Variants in IPP observed in about 807,000 individuals in gnomAD.
IPP encodes intracisternal A particle-promoted polypeptide.
Under a neutral mutation model 64.1 loss-of-function variants are expected in IPP, and 41 were observed. The ratio of observed to expected loss-of-function variants is 0.64; its 90% confidence interval spans 0.50 to 0.83. IPP has a LOEUF of 0.83. Ranked by LOEUF, IPP falls within the 40% of genes least tolerant of loss-of-function variation. The pLI is 0.00. For missense variants in IPP, 649 were observed against 703.0 expected (o/e 0.92, Z 0.87); for synonymous variants, 214 against 235.2 (o/e 0.91, Z 0.83).
chr1:45,749,022 C>G (rs1385803314), intron 1 of IPP, among the ~76,000 whole-genome samples: 1 of 151,730 alleles, frequency 6.6e-6, no homozygotes, highest in Non-Finnish European at 1.5e-5. Flanking sequence ...ATGTATTTGG[C>G]CCTACACAGA....
chr1:45,740,860 G>C, intron 3 of IPP, 41 bp downstream of exon 3: 1 of 1,279,098 alleles, frequency 7.8e-7, no homozygotes, highest in Non-Finnish European at 1.1e-6. Flanking sequence ...CACATCACTG[G>C]ATAATTAATC....
At chr1:45,698,061 A>G (rs3014247), downstream of IPP, 80,650 of 151,866 alleles carry the variant, frequency 0.53, 21,530 homozygotes, top group Middle Eastern at 0.6. Flanking sequence ...CCAGCACTTC[A>G]GGAGGCCAAG....
Position 45,727,977 on chromosome 1 carries a change from G to T in IPP, c.881-179C>A, listed in dbSNP as rs184248161. Among the ~76,000 whole-genome samples, 128 of 152,224 alleles carry T rather than the reference G, an allele frequency of 8.4e-4. 1 individual carries two copies. The highest frequency in any genetic ancestry group is 2.8e-3 in the African/African-American group (118 of 41,524). On this transcript the variant is annotated intron_variant, in intron 4 of 8. Transcript: ENST00000396478. Reference sequence around the variant, plus strand: ...ATTGTGGCTTAAATACAGTAAGAAGGTTAGCCTCAGTGTTTTACCACTTGG... The same window carrying T: ...ATTGTGGCTTAAATACAGTAAGAAGTTTAGCCTCAGTGTTTTACCACTTGG...
intron 8 of IPP, among the ~76,000 whole-genome samples, chr1:45,700,737 G>T (rs1202137601): frequency 6.6e-6 from 1 of 152,182 alleles, no homozygotes; most frequent in Non-Finnish European, 1.5e-5. Flanking sequence ...ATCAGGAAAT[G>T]ACCTAGAACT....
intron 6 of IPP, among the ~76,000 whole-genome samples, chr1:45,717,734 C>G (rs1330628559): frequency 6.6e-6 from 1 of 152,050 alleles, no homozygotes; most frequent in African/African-American, 2.4e-5. Flanking sequence ...AAGTTGGTCT[C>G]GATCTCCTGA....
rs772355194 is a variant in IPP, at chr1:45,741,061, T to G, written c.564A>C (p.Arg188=). 6.2e-7 allele frequency: 1 copy of G among 1,614,036 alleles called. No homozygotes were observed. Among genetic ancestry groups the G allele is most frequent in the Non-Finnish European group, 8.5e-7 (1 of 1,180,002 alleles). The change falls in exon 3 of 9, where the codon CGA becomes CGC. Residue 188 remains arginine, a synonymous_variant. Transcript: ENST00000396478. ...LTKDQLIKIL[R]SEELSIEDEY... ...CATCCTCAATGCTAAGCTCTTCACTTCGCAAAATTTTGATCAGCTGATCTT... is the reference window on the plus strand; with the variant it reads ...CATCCTCAATGCTAAGCTCTTCACTGCGCAAAATTTTGATCAGCTGATCTT...
intron 8 of IPP, among the ~76,000 whole-genome samples, chr1:45,713,531 G>C (rs1181274775): frequency 6.7e-6 from 1 of 150,068 alleles, no homozygotes; most frequent in Non-Finnish European, 1.5e-5. Context: ...CTGCACTCCA[G>C]CTTGGGCAAC....
intron 2 of IPP, among the ~76,000 whole-genome samples, chr1:45,744,252 A>C (rs369265108): frequency 9.2e-5 from 14 of 152,274 alleles, no homozygotes; most frequent in African/African-American, 3.4e-4. Flanking sequence ...CCTGGGCTCA[A>C]GTGATCATCC....
rs1475003167 is a variant in IPP at position 45,717,029 on chromosome 1, T to G, written c.1187-12A>C. On this transcript the variant is annotated splice_polypyrimidine_tract_variant and intron_variant, in intron 6 of 8. Coordinates refer to ENST00000396478, the MANE Select transcript of IPP (RefSeq NM_005897.3). ...TCCAACCCATCCACCTGTAATGAAA[T>G]AGAAAAATGTTTGTTTCCGGGATAA... The G allele has an allele frequency of 6.2e-7, 1 of 1,608,520 alleles. No homozygotes were observed. Among genetic ancestry groups the G allele is most frequent in the Admixed American group, 1.7e-5 (1 of 58,332 alleles).
At position 45,729,704 on chromosome 1, in the gene IPP, T is replaced by C. The variant is rs762840717; in HGVS notation, c.790A>G (p.Lys264Glu). Residue 264 changes from lysine (K) to glutamate (E), a missense_variant, in exon 4 of 9, where the codon AAA becomes GAA. Coordinates refer to ENST00000396478, the MANE Select transcript of IPP (RefSeq NM_005897.3). ...TLLKEYCEVCKSPKENKFCSF... is the reference protein window; with the variant it reads ...TLLKEYCEVCESPKENKFCSF... ...CAAAACTTGTTCTCTTTGGGAGATT[T>C]GCATACTTCACAGTACTCTTTCAGA... The C allele has an allele frequency of 5.6e-6, 9 of 1,609,070 alleles. No homozygotes were observed.
intron 5 of IPP, among the ~76,000 whole-genome samples, chr1:45,720,370 G>A (rs1442158196): frequency 6.6e-6 from 1 of 152,038 alleles, no homozygotes; most frequent in African/African-American, 2.4e-5. Flanking sequence ...ATGAAGAGAT[G>A]AATAATGCTC....
intron 2 of IPP, among the ~76,000 whole-genome samples, chr1:45,741,719 C>T (rs1646069742): frequency 1.2e-5 from 1 of 80,832 alleles, no homozygotes; most frequent in Non-Finnish European, 2.8e-5. Context: ...AGCTCCGCCT[C>T]CCAGGTTCAC....
chr1:45,704,740 T>C (rs1290490067), intron 8 of IPP, among the ~76,000 whole-genome samples: 2 of 152,228 alleles, frequency 1.3e-5, no homozygotes, highest in South Asian at 2.1e-4. Flanking sequence ...CTCTGTTTAC[T>C]GAGGGTGGCT....
chr1:45,748,005 G>A (rs922583141), intron 1 of IPP, among the ~76,000 whole-genome samples: 6 of 151,986 alleles, frequency 3.9e-5, no homozygotes, highest in African/African-American at 1.2e-4. Flanking sequence ...AAATGGTTAC[G>A]TTTATAGCAT....
chr1:45,711,559 G>A (rs1022862197), intron 8 of IPP, among the ~76,000 whole-genome samples: 6 of 152,098 alleles, frequency 3.9e-5, no homozygotes, highest in African/African-American at 7.2e-5. Context: ...TTTGAGACCA[G>A]TCTGGCCAAC....
intron 2 of IPP, among the ~76,000 whole-genome samples, chr1:45,743,643 G>A (rs1646096366): frequency 6.6e-6 from 1 of 152,030 alleles, no homozygotes; most frequent in African/African-American, 2.4e-5. Flanking sequence ...CTTGAGCCCT[G>A]GAGGTCAAGC....
rs750721940 is a variant in IPP, at chr1:45,729,676, C to G, written c.818G>C (p.Ser273Thr). 1 of 1,613,140 alleles carries G rather than the reference C, an allele frequency of 6.2e-7. No individual in the cohort carries two copies. Among genetic ancestry groups the G allele is most frequent in the Non-Finnish European group, 8.5e-7 (1 of 1,179,380 alleles). ...TCGAACCTTAGATGTCTGCAGAAAA[C>G]TACAAAACTTGTTCTCTTTGGGAGA... ...CKSPKENKFCSFLQTSKVRPR... is the reference protein window; with the variant it reads ...CKSPKENKFCTFLQTSKVRPR... Residue 273 changes from serine to threonine, a missense_variant, in exon 4 of 9, where the codon AGT (serine) becomes ACT (threonine). Transcript: ENST00000396478.
At chr1:45,740,548 G>A (rs1478139448) in intron 3 of IPP, among the ~76,000 whole-genome samples, 1 of 151,720 alleles carries the variant, frequency 6.6e-6, no homozygotes, top group South Asian at 2.1e-4. Flanking sequence ...CCGGGCGGGG[G>A]GCTGACCCCC....
chr1:45,741,078 GCTGATCTTTCGTAAGTGCCAGGAACTCTT>G lies in IPP; in HGVS notation c.518_546del (p.Glu173AlafsTer8). On this transcript the variant is annotated frameshift_variant, in exon 3 of 9. Transcript: ENST00000396478. LOFTEE classifies it high-confidence loss of function. ...TCTTCACTTCGCAAAATTTTGATCA[GCTGATCTTTCGTAAGTGCCAGGAACTCTT>G]CTCCACTATGAACCTCCAAGAAATG... The G allele has an allele frequency of 6.2e-7, 1 of 1,614,102 alleles. No homozygotes were observed. The highest frequency in any genetic ancestry group is 8.5e-7 in the Non-Finnish European group (1 of 1,179,980).
Sources: gnomAD v4.1 joint callset for allele counts (sites outside exome capture counted in the v4.1 genomes callset) on GRCh38, gnomAD v4.1.1 for gene constraint, MANE v1.5 for transcripts, NCBI Gene and HGNC (gene_info 2026-07-23, HGNC 2026-07-21) for gene names.